Variants in FAM135B observed in about 807,000 individuals in gnomAD.
The protein encoded by FAM135B is protein FAM135B.
In FAM135B, 43 loss-of-function variants were observed where a neutral mutation model predicts 127.7. That is an observed-to-expected ratio of 0.34 (90% CI 0.26 to 0.43). The LOEUF is 0.43. Ranked by LOEUF, FAM135B falls within the 20% of genes least tolerant of loss-of-function variation. FAM135B has a pLI of 1.00. For synonymous variants in FAM135B, 670 were observed against 665.1 expected (o/e 1.01, Z -0.11); for missense variants, 1,558 against 1,725.6 (o/e 0.90, Z 1.72).
At chr8:138,315,634 CAT>C (rs138209151) in intron 2 of FAM135B, among the ~76,000 whole-genome samples, 3,578 of 151,308 alleles carry the variant, frequency 0.024, 121 homozygotes, top group African/African-American at 0.077. Context: ...CACACACACA[CAT>C]ACACATGCAC....
At position 138,130,933 on chromosome 8, in the gene FAM135B, T is replaced by C. The variant is rs1290586914; in HGVS notation, c.*1660A>G. ...AAAGGACTCACTGAGAAACCCTAAATCCATTGTGTGGAACTCTGCCTTTGC... is the reference window on the plus strand; with the variant it reads ...AAAGGACTCACTGAGAAACCCTAAACCCATTGTGTGGAACTCTGCCTTTGC... On this transcript the variant is annotated 3_prime_UTR_variant, in exon 20 of 20. Transcript: ENST00000395297. 5 of 152,194 alleles carry C rather than the reference T, an allele frequency of 3.3e-5. No homozygotes were observed. Among genetic ancestry groups the C allele is most frequent in the Non-Finnish European group, 7.3e-5 (5 of 68,054 alleles). 9.4% of individuals were successfully genotyped at this position (152,194 alleles called of 1,614,324 possible). A position where few individuals can be genotyped will look rare whatever the true frequency, so the allele number is the denominator to read the frequency against.
chr8:138,478,448 C>A (rs1184367922), intron 1 of FAM135B, among the ~76,000 whole-genome samples: 1 of 152,190 alleles, frequency 6.6e-6, no homozygotes, highest in Admixed American at 6.5e-5. Flanking sequence ...TTCCCCTGAA[C>A]TTCCAGAGAG....
intron 1 of FAM135B, among the ~76,000 whole-genome samples, chr8:138,485,988 T>C (rs1460251428): frequency 6.6e-6 from 1 of 151,962 alleles, no homozygotes; most frequent in African/African-American, 2.4e-5. Context: ...TACTTAGACT[T>C]GGAAAGCCTC....
At chr8:138,342,888 A>G (rs911793143) in intron 2 of FAM135B, among the ~76,000 whole-genome samples, 59 of 152,322 alleles carry the variant, frequency 3.9e-4, no homozygotes, top group African/African-American at 1.4e-3. Context: ...ATACCCAAAC[A>G]CGTGTGCATC....
chr8:138,145,865 C>CT, intron 15 of FAM135B, 94 bp downstream of exon 15: 1 of 702,856 alleles, frequency 1.4e-6, no homozygotes, highest in East Asian at 2.5e-5. Context: ...CTCCTCCTAT[C>CT]TGTGTGTGTC....
intron 7 of FAM135B, among the ~76,000 whole-genome samples, chr8:138,220,707 C>T (rs150176982): frequency 1.3e-5 from 2 of 152,238 alleles, no homozygotes; most frequent in East Asian, 3.9e-4. Flanking sequence ...CACTTCTATA[C>T]CACAAGAACT....
Position 138,152,370 on chromosome 8 carries a change from C to A in FAM135B, c.2105G>T (p.Ser702Ile), listed in dbSNP as rs747063600. ...ATCACTGGGCAACTCCAGAGCCCTG[C>A]TTCGGGCCTCTGACCAGGCGACGGA... is the stretch of plus-strand genomic sequence containing the variant. ...PSSVAWSEAR[S>I]RALELPSDRE... The change falls in exon 13 of 20, where the codon AGC (serine) becomes ATC (isoleucine). Residue 702 changes from serine to isoleucine, a missense_variant. Ser to Ile is a moderately radical substitution (Grantham distance 142). Coordinates refer to ENST00000395297, the MANE Select transcript of FAM135B (RefSeq NM_015912.4). 1 of 1,614,166 alleles carries A rather than the reference C, an allele frequency of 6.2e-7. No homozygotes were observed. The highest frequency in any genetic ancestry group is 8.5e-7 in the Non-Finnish European group (1 of 1,180,032).
At chr8:138,442,237 C>CATAT (rs759993575) in intron 1 of FAM135B, among the ~76,000 whole-genome samples, 5,615 of 51,080 alleles carry the variant, frequency 0.11, 686 homozygotes, top group East Asian at 0.26. Context: ...ATATGGACAC[C>CATAT]ATATATATAT....
At chr8:138,299,060 AAAAT>A (rs372645406) in intron 3 of FAM135B, among the ~76,000 whole-genome samples, 54,960 of 135,796 alleles carry the variant, frequency 0.4, 11,264 homozygotes, top group East Asian at 0.54. Flanking sequence ...ATTCAGTCTC[AAAAT>A]AAATAAATAA....
chr8:138,195,519 A>G (rs555309330), intron 8 of FAM135B, among the ~76,000 whole-genome samples: 1 of 152,270 alleles, frequency 6.6e-6, no homozygotes, highest in South Asian at 2.1e-4. Flanking sequence ...ACTGAGCACT[A>G]GATAAAAGCC....
At chr8:138,286,146 C>T (rs542910677) in intron 3 of FAM135B, among the ~76,000 whole-genome samples, 1 of 152,278 alleles carries the variant, frequency 6.6e-6, no homozygotes, top group African/African-American at 2.4e-5. Context: ...ATATAGAACA[C>T]TTAAGTTGTA....
chr8:138,472,314 C>T (rs907252628), intron 1 of FAM135B, among the ~76,000 whole-genome samples: 3 of 152,068 alleles, frequency 2.0e-5, no homozygotes, highest in East Asian at 3.9e-4. Flanking sequence ...GGAACAAGTT[C>T]CTTGAAGAAG....
chr8:138,439,977 A>C (rs1345342991), intron 1 of FAM135B: 10 of 152,220 alleles, frequency 6.6e-5, no homozygotes, highest in Admixed American at 6.5e-4. Context: ...CCTGTGCAAG[A>C]ATGGACCCAC....
intron 2 of FAM135B, among the ~76,000 whole-genome samples, chr8:138,361,118 G>C (rs1830393633): frequency 6.6e-6 from 1 of 152,026 alleles, no homozygotes; most frequent in South Asian, 2.1e-4. Context: ...AGTAGAGACA[G>C]GGTTTCACCA....
intron 1 of FAM135B, among the ~76,000 whole-genome samples, chr8:138,449,223 A>T (rs1836357924): frequency 6.6e-6 from 1 of 152,198 alleles, no homozygotes; most frequent in African/African-American, 2.4e-5. Context: ...AATTCATTAC[A>T]ACTGTATTAA....
intron 2 of FAM135B, among the ~76,000 whole-genome samples, chr8:138,343,556 A>C (rs1829198579): frequency 6.6e-6 from 1 of 152,170 alleles, no homozygotes; most frequent in South Asian, 2.1e-4. Context: ...AACACGGTAA[A>C]ATGAATGTGA....
chr8:138,336,072 C>A (rs1418397915), intron 2 of FAM135B, among the ~76,000 whole-genome samples: 1 of 151,984 alleles, frequency 6.6e-6, no homozygotes, highest in African/African-American at 2.4e-5. Context: ...AACAAAGACA[C>A]AACATACCAG....
intron 1 of FAM135B, among the ~76,000 whole-genome samples, chr8:138,458,688 C>T (rs1836942546): frequency 1.3e-5 from 2 of 152,248 alleles, no homozygotes; most frequent in South Asian, 4.2e-4. Flanking sequence ...GTGGCTGCTT[C>T]CTCACTATAA....
At chr8:138,295,915 G>T (rs1825448799) in intron 3 of FAM135B, among the ~76,000 whole-genome samples, 1 of 152,146 alleles carries the variant, frequency 6.6e-6, no homozygotes, top group Non-Finnish European at 1.5e-5. Context: ...AAGCACATTT[G>T]TCAGGTGTCA....
Sources: gnomAD v4.1 joint callset for allele counts (sites outside exome capture counted in the v4.1 genomes callset) on GRCh38, gnomAD v4.1.1 for gene constraint, MANE v1.5 for transcripts, NCBI Gene and HGNC (gene_info 2026-07-23, HGNC 2026-07-21) for gene names.